The following DDX1 variants were observed in gnomAD, a reference collection of about 807,000 sequenced individuals.
The protein encoded by DDX1 is DEAD-box helicase 1.
DDX1 carries 28 observed loss-of-function variants against 108.7 expected under a neutral mutation model. That is an observed-to-expected ratio of 0.26 (90% confidence interval 0.19 to 0.35). The LOEUF is 0.35. Among genes scored for constraint, DDX1 ranks in the 10% least tolerant of loss-of-function variants. DDX1 has a pLI of 1.00. For missense variants in DDX1, 710 were observed against 884.5 expected (o/e 0.80, Z 2.50); for synonymous variants, 295 against 288.9 (o/e 1.02, Z -0.21).
At chr2:15,595,290 G>A in intron 2 of DDX1, 94 bp downstream of exon 2, 2 of 1,183,170 alleles carry the variant, frequency 1.7e-6, no homozygotes, top group Middle Eastern at 2.1e-4. Flanking sequence ...TGTCTAGTTG[G>A]GTAAGTGAAA....
intron 13 of DDX1, among the ~76,000 whole-genome samples, chr2:15,611,771 G>C (rs1381935720): frequency 9.7e-6 from 1 of 102,670 alleles, no homozygotes; most frequent in Non-Finnish European, 1.9e-5. Flanking sequence ...GGACGGGGTG[G>C]CTGGCCGGGC....
intron 13 of DDX1, among the ~76,000 whole-genome samples, chr2:15,612,904 A>G (rs1005376781): frequency 1.7e-3 from 259 of 151,438 alleles, no homozygotes; most frequent in African/African-American, 5.3e-3. Context: ...GCACTCGGCA[A>G]GCTGAGGCAG....
chr2:15,602,740 C>T (rs548481794), intron 7 of DDX1, 109 bp downstream of exon 7: 5 of 839,104 alleles, frequency 6.0e-6, no homozygotes, highest in Non-Finnish European at 7.6e-6. Flanking sequence ...TCGCACGTCG[C>T]CCGGGCTGGA....
chr2:15,620,127 TTG>T, intron 16 of DDX1, 79 bp from the exon 17 acceptor site: 1 of 1,259,506 alleles, frequency 7.9e-7, no homozygotes, highest in Non-Finnish European at 1.1e-6. Flanking sequence ...CTAGCACACT[TTG>T]TGTTTCATAT....
intron 8 of DDX1, 48 bp from the exon 9 acceptor site, chr2:15,603,766 A>G: frequency 7.7e-7 from 1 of 1,299,820 alleles, no homozygotes; most frequent in Non-Finnish European, 1.1e-6. Context: ...AGGTCTTTTA[A>G]TTTTATATTT....
intron 10 of DDX1, 70 bp from the exon 11 acceptor site, chr2:15,605,880 T>G: frequency 2.8e-6 from 3 of 1,072,358 alleles, no homozygotes; most frequent in Non-Finnish European, 4.0e-6. Flanking sequence ...AGCTGGTAGA[T>G]TTGACATTGT....
intron 13 of DDX1, among the ~76,000 whole-genome samples, chr2:15,609,177 G>C (rs1022520839): frequency 6.6e-6 from 1 of 152,180 alleles, no homozygotes; most frequent in African/African-American, 2.4e-5. Context: ...AAAAGGATTT[G>C]GGAAGAATGT....
intron 14 of DDX1, among the ~76,000 whole-genome samples, chr2:15,616,069 TGTG>T (rs1558457058): frequency 6.6e-6 from 1 of 150,804 alleles, no homozygotes; most frequent in East Asian, 1.9e-4. Context: ...ATTTTGTGTG[TGTG>T]TGTGTGTGTG....
intron 10 of DDX1, among the ~76,000 whole-genome samples, chr2:15,605,623 G>A (rs1242370971): frequency 1.3e-5 from 2 of 152,186 alleles, no homozygotes; most frequent in Non-Finnish European, 2.9e-5. Context: ...CTACAAAAGG[G>A]AGGAGAAAAA....
intron 13 of DDX1, among the ~76,000 whole-genome samples, chr2:15,607,947 G>GTT (rs1431443786): frequency 1.3e-5 from 2 of 152,080 alleles, no homozygotes; most frequent in Non-Finnish European, 2.9e-5. Flanking sequence ...TTTCTAGCAT[G>GTT]TTAGTAAACT....
Position 15,630,826 on chromosome 2 carries a change from T to C in DDX1, c.2143T>C (p.Leu715=). 1 of 1,614,072 alleles carries C rather than the reference T, an allele frequency of 6.2e-7. No individual in the cohort carries two copies. The highest frequency in any genetic ancestry group is 8.5e-7 in the Non-Finnish European group (1 of 1,179,926). The change falls in exon 26 of 26, where the codon TTG becomes CTG. Residue 715 remains leucine (L), a synonymous_variant. Coordinates refer to ENST00000233084, the MANE Select transcript of DDX1 (RefSeq NM_004939.3). ...TATTTTGGCACCTACTGTTCAAGAG[T>C]TGGCTGCCCTTGAAAAGGAGGCGCA... ...VDILAPTVQE[L]AALEKEAQTS... is the part of the protein sequence containing the mutation.
At chr2:15,624,705 T>C (rs1336681326) in intron 19 of DDX1, among the ~76,000 whole-genome samples, 1 of 152,168 alleles carries the variant, frequency 6.6e-6, no homozygotes, top group African/African-American at 2.4e-5. Flanking sequence ...CCAAATTATA[T>C]CATAAACCAA....
intron 15 of DDX1, among the ~76,000 whole-genome samples, 178 bp downstream of exon 15, chr2:15,617,520 AATCAAGATATG>A (rs1665920702): frequency 1.3e-5 from 2 of 152,132 alleles, no homozygotes; most frequent in Admixed American, 1.3e-4. Flanking sequence ...ATGTAGTTGA[AATCAAGATATG>A]AGGAATCTGG....
At chr2:15,616,934 C>G (rs991976494) in intron 14 of DDX1, among the ~76,000 whole-genome samples, 2 of 152,120 alleles carry the variant, frequency 1.3e-5, no homozygotes, top group Non-Finnish European at 2.9e-5. Flanking sequence ...GACTTGAACT[C>G]TAGGTTCCGT....
intron 19 of DDX1, 64 bp downstream of exon 19, chr2:15,623,646 T>C: frequency 1.4e-6 from 2 of 1,380,752 alleles, no homozygotes. Flanking sequence ...ATTAATCTCA[T>C]GTTGATGCAA....
At chr2:15,623,140 A>G (rs1666038075) in intron 18 of DDX1, among the ~76,000 whole-genome samples, 1 of 152,110 alleles carries the variant, frequency 6.6e-6, no homozygotes, top group Non-Finnish European at 1.5e-5. Context: ...TATTTCTGTT[A>G]ATTTGTACGT....
At chr2:15,628,385 G>GT (rs1558460386) in intron 20 of DDX1, 60 bp from the exon 21 acceptor site, 1 of 1,276,576 alleles carries the variant, frequency 7.8e-7, no homozygotes, top group Non-Finnish European at 1.1e-6. Flanking sequence ...GATAGCATTT[G>GT]TTTTTATTGT....
intron 1 of DDX1, among the ~76,000 whole-genome samples, chr2:15,594,254 G>C (rs1239988059): frequency 1.3e-5 from 2 of 152,010 alleles, no homozygotes; most frequent in Non-Finnish European, 2.9e-5. Flanking sequence ...TTTCAGAATT[G>C]GTTATTTCTG....
chr2:15,629,898 C>T, intron 24 of DDX1, 92 bp from the exon 25 acceptor site: 1 of 1,263,660 alleles, frequency 7.9e-7, no homozygotes, highest in Non-Finnish European at 1.1e-6. Context: ...TTATACCAAG[C>T]ATTCTGGCCT....
Sources: allele counts gnomAD v4.1 joint callset (sites outside exome capture counted in the v4.1 genomes callset), GRCh38; gene constraint gnomAD v4.1.1; transcripts MANE v1.5; gene names NCBI Gene and HGNC (gene_info 2026-07-23, HGNC 2026-07-21).